DLG2: variants seen among roughly 807,000 people sequenced by gnomAD.
The protein encoded by DLG2 is disks large homolog 2.
DLG2 carries 45 observed loss-of-function variants against 132.5 expected under a neutral mutation model. The observed-to-expected ratio is 0.34, with a 90% confidence interval of 0.27 to 0.44. The LOEUF (loss-of-function observed/expected upper bound fraction) is 0.44. Among genes scored for constraint, DLG2 ranks in the 20% least tolerant of loss-of-function variants. The probability of loss-of-function intolerance (pLI) is 1.00; values close to 1 mark genes in which losing one functional copy is unlikely to be tolerated. For synonymous variants in DLG2, 424 were observed against 419.6 expected (o/e 1.01, Z -0.13); for missense variants, 1,045 against 1,196.9 (o/e 0.87, Z 1.87).
intron 7 of DLG2, among the ~76,000 whole-genome samples, chr11:84,374,836 A>G (rs900151630): frequency 6.6e-6 from 1 of 152,166 alleles, no homozygotes; most frequent in Non-Finnish European, 1.5e-5. Context: ...CATGACACTT[A>G]GTCTTTCCCA....
At chr11:83,629,888 G>A (rs916662299) in intron 19 of DLG2, among the ~76,000 whole-genome samples, 1 of 152,024 alleles carries the variant, frequency 6.6e-6, no homozygotes, top group African/African-American at 2.4e-5. Flanking sequence ...ATTCATATTT[G>A]TAACTTTATT....
intron 7 of DLG2, among the ~76,000 whole-genome samples, chr11:84,441,835 T>C (rs1049834720): frequency 2.6e-5 from 4 of 152,240 alleles, no homozygotes; most frequent in African/African-American, 9.6e-5. Context: ...TTTCTGTATA[T>C]GGCTAGCCAG....
intron 10 of DLG2, among the ~76,000 whole-genome samples, chr11:84,086,857 A>C (rs1331607210): frequency 6.6e-6 from 1 of 152,028 alleles, no homozygotes; most frequent in African/African-American, 2.4e-5. Context: ...CCACTAATCT[A>C]CCTTCTATTT....
intron 4 of DLG2, among the ~76,000 whole-genome samples, chr11:85,210,588 A>T (rs1448789160): frequency 6.6e-6 from 1 of 151,896 alleles, no homozygotes; most frequent in East Asian, 1.9e-4. Flanking sequence ...AGCCACTCAG[A>T]TCTCTTTCAA....
At chr11:84,636,545 G>A (rs539937843) in intron 6 of DLG2, among the ~76,000 whole-genome samples, 1 of 152,020 alleles carries the variant, frequency 6.6e-6, no homozygotes, top group Non-Finnish European at 1.5e-5. Context: ...GTCATTTTGG[G>A]TACAAAACAG....
chr11:84,031,658 G>A (rs1011665336), intron 11 of DLG2, among the ~76,000 whole-genome samples: 32 of 152,110 alleles, frequency 2.1e-4, no homozygotes, highest in African/African-American at 6.8e-4. Flanking sequence ...TTACACAATA[G>A]GTGCTTCATA....
rs1441163853 is a variant in DLG2, at chr11:83,472,776, T to G, written c.2295A>C (p.Arg765=). Residue 765 remains arginine, a splice_region_variant and synonymous_variant, in exon 23 of 28, where the codon CGA becomes CGC. Transcript: ENST00000376104. Reference sequence around the variant, plus strand: ...AGGAAAGAATGAGGTCTTCTTGTCCTCCTGAGAAGAGAAGGAAAGAAAACC... The same window carrying G: ...AGGAAAGAATGAGGTCTTCTTGTCCGCCTGAGAAGAGAAGGAAAGAAAACC... ...QSEQETSDPE[R]GQEDLILSYE... 1 of 1,611,846 alleles carries G rather than the reference T, an allele frequency of 6.2e-7. No homozygotes were observed. Among genetic ancestry groups the G allele is most frequent in the Non-Finnish European group, 8.5e-7 (1 of 1,178,652 alleles).
Position 85,092,662 on chromosome 11 carries a change from A to G in DLG2, c.357+18999T>C, listed in dbSNP as rs539323710. The stretch of plus-strand genomic sequence containing the variant: ...ACGTGACTTTTTTTTTTTTTTTTTC[A>G]GACAGAGTTTCACTCTGTTGCCCAG... On this transcript the variant is annotated intron_variant, in intron 6 of 27. Coordinates refer to ENST00000376104, the MANE Select transcript of DLG2 (RefSeq NM_001142699.3). Among the ~76,000 whole-genome samples, 319 of 138,156 alleles carry G rather than the reference A, an allele frequency of 2.3e-3. 3 individuals carry two copies. The highest frequency in any genetic ancestry group is 8.2e-3 in the African/African-American group (305 of 37,234). The allele number at this position is 138,156 out of a possible 152,430, so 90.6% of individuals were successfully genotyped here.
rs187875706 is a variant in DLG2, at chr11:84,640,022, C to T, written c.358-105291G>A. On this transcript the variant is annotated intron_variant, in intron 6 of 27. Coordinates refer to ENST00000376104, the MANE Select transcript of DLG2 (RefSeq NM_001142699.3). ...AGACTATTCTCAGCAATCAGACTGT[C>T]GGCACTCCAGAAAATGTCAACGTTA... 1.2e-3 allele frequency: 328 copies of T among 264,606 alleles called. 1 individual carries two copies. The highest frequency in any genetic ancestry group is 7.1e-3 in the African/African-American group (309 of 43,292). 16.4% of individuals were successfully genotyped at this position (264,606 alleles called of 1,614,324 possible). A position where few individuals can be genotyped will look rare whatever the true frequency, so the allele number is the denominator to read the frequency against.
intron 11 of DLG2, among the ~76,000 whole-genome samples, chr11:84,020,194 A>AT (rs2095349407): frequency 6.6e-6 from 1 of 152,152 alleles, no homozygotes; most frequent in Non-Finnish European, 1.5e-5. Flanking sequence ...AATTTTGTAC[A>AT]TCAAGGTTAT....
intron 19 of DLG2, among the ~76,000 whole-genome samples, chr11:83,602,498 A>T (rs2058712015): frequency 1.3e-5 from 2 of 152,260 alleles, no homozygotes. Context: ...TTTGACTAGG[A>T]GTCTATTCAT....
intron 6 of DLG2, among the ~76,000 whole-genome samples, chr11:84,657,003 C>T (rs1034877064): frequency 2.0e-5 from 3 of 152,066 alleles, no homozygotes; most frequent in African/African-American, 2.4e-5. Context: ...ACCTTAACAA[C>T]GATTCTTTAA....
chr11:84,920,497 G>C (rs149174586), intron 6 of DLG2, among the ~76,000 whole-genome samples: 197 of 152,310 alleles, frequency 1.3e-3, no homozygotes, highest in African/African-American at 4.6e-3. Context: ...ACCCTGCATA[G>C]ATGTCCATTA....
intron 11 of DLG2, among the ~76,000 whole-genome samples, chr11:84,057,703 T>TGGTCG (rs1476955778): frequency 6.6e-6 from 1 of 152,176 alleles, no homozygotes; most frequent in Non-Finnish European, 1.5e-5. Context: ...CTAATTTTGT[T>TGGTCG]GGTCGGTCAG....
chr11:85,349,203 C>G (rs2083091568), intron 3 of DLG2, among the ~76,000 whole-genome samples: 1 of 152,032 alleles, frequency 6.6e-6, no homozygotes, highest in South Asian at 2.1e-4. Context: ...ACAAGCATGA[C>G]AGACAGCATT....
At chr11:84,192,241 T>C (rs2096424799) in intron 8 of DLG2, among the ~76,000 whole-genome samples, 1 of 152,194 alleles carries the variant, frequency 6.6e-6, no homozygotes, top group African/African-American at 2.4e-5. Flanking sequence ...GACAGTTTCC[T>C]TCTAGATAAC....
intron 24 of DLG2, among the ~76,000 whole-genome samples, chr11:83,470,350 A>T (rs1314291962): frequency 6.6e-6 from 1 of 152,152 alleles, no homozygotes; most frequent in African/African-American, 2.4e-5. Context: ...GTACAAAAAT[A>T]TTAACAATGA....
intron 6 of DLG2, among the ~76,000 whole-genome samples, chr11:84,536,474 A>T (rs1306326695): frequency 2.0e-5 from 3 of 152,222 alleles, no homozygotes; most frequent in African/African-American, 7.2e-5. Context: ...TGTGAACTGC[A>T]AATACCATGC....
At chr11:85,321,804 C>T (rs1161829433) in intron 3 of DLG2, among the ~76,000 whole-genome samples, 1 of 151,892 alleles carries the variant, frequency 6.6e-6, no homozygotes, top group Non-Finnish European at 1.5e-5. Flanking sequence ...ACAGGATCTT[C>T]GCAGGACAGG....
Sources: allele counts gnomAD v4.1 joint callset (sites outside exome capture counted in the v4.1 genomes callset), GRCh38; gene constraint gnomAD v4.1.1; transcripts MANE v1.5; gene names NCBI Gene and HGNC (gene_info 2026-07-23, HGNC 2026-07-21).